Variants in POLK observed in about 807,000 individuals in gnomAD.
POLK encodes DNA polymerase kappa.
Under a neutral mutation model 94.0 loss-of-function variants are expected in POLK, and 76 were observed. That is an observed-to-expected ratio of 0.81 (90% confidence interval 0.67 to 0.98). The LOEUF is 0.98. Among genes scored for constraint, POLK ranks in the 50% least tolerant of loss-of-function variants. POLK has a pLI of 0.00. For missense variants in POLK, 954 were observed against 1,010.1 expected, an observed-to-expected ratio of 0.94 and a Z score of 0.75; for synonymous variants, 349 against 325.4, an observed-to-expected ratio of 1.07 and a Z score of -0.78.
intron 1 of POLK, among the ~76,000 whole-genome samples, chr5:75,529,097 G>T (rs189785644): frequency 1.3e-5 from 2 of 152,288 alleles, no homozygotes; most frequent in African/African-American, 4.8e-5. Flanking sequence ...GAATATCTGA[G>T]ACTGGGTAAT....
At chr5:75,601,053 T>G (rs1417746369) in exon 15 of POLK, 1 of 152,158 alleles carries the variant, frequency 6.6e-6, no homozygotes, top group Admixed American at 6.5e-5. Flanking sequence ...ATTGCATGGA[T>G]GTTCACTTTT....
intron 5 of POLK, among the ~76,000 whole-genome samples, chr5:75,576,229 G>A (rs1171809983): frequency 6.6e-6 from 1 of 152,028 alleles, no homozygotes. Context: ...ATAGGAAATA[G>A]AAAACATTCC....
At chr5:75,609,630 A>T in the POLK span, 2 of 152,172 alleles carry the variant, frequency 1.3e-5, no homozygotes, top group Non-Finnish European at 2.9e-5. Flanking sequence ...CCATTTACAT[A>T]TTATACTTTC....
At chr5:75,585,243 A>G (rs1350602445) in intron 9 of POLK, among the ~76,000 whole-genome samples, 1 of 152,246 alleles carries the variant, frequency 6.6e-6, no homozygotes, top group Non-Finnish European at 1.5e-5. Flanking sequence ...GTGGAAAGAA[A>G]GATGGCCGTA....
intron 2 of POLK, among the ~76,000 whole-genome samples, chr5:75,550,186 G>A (rs1429805732): frequency 6.6e-6 from 1 of 152,138 alleles, no homozygotes; most frequent in Non-Finnish European, 1.5e-5. Flanking sequence ...CATTATGAAT[G>A]CAAAAGTCCT....
At chr5:75,587,700 C>A (rs1055956129) in intron 10 of POLK, among the ~76,000 whole-genome samples, 2 of 152,096 alleles carry the variant, frequency 1.3e-5, no homozygotes, top group Non-Finnish European at 2.9e-5. Context: ...GTGGGCAGAT[C>A]ACTTGAGGCC....
chr5:75,566,255 C>G (rs981918441), intron 3 of POLK, among the ~76,000 whole-genome samples: 2 of 152,226 alleles, frequency 1.3e-5, no homozygotes, highest in South Asian at 4.1e-4. Flanking sequence ...TCAGACTGCT[C>G]TGCCAGCAGC....
chr5:75,520,405 T>C (rs776094933), intron 1 of POLK, among the ~76,000 whole-genome samples: 164 of 152,260 alleles, frequency 1.1e-3, no homozygotes, highest in Non-Finnish European at 2.0e-3. Flanking sequence ...ATTTTATTTT[T>C]GTTTTCAGAG....
intron 9 of POLK, 95 bp from the exon 10 acceptor site, chr5:75,586,931 G>A (rs1002605357): frequency 2.5e-6 from 2 of 791,940 alleles, no homozygotes; most frequent in East Asian, 5.5e-5. Flanking sequence ...AAAAATTTGA[G>A]AGCTCTAAAA....
At chr5:75,511,331 G>T (rs1249931773), upstream of POLK, 3 of 1,546,950 alleles carry the variant, frequency 1.9e-6, no homozygotes, top group African/African-American at 2.7e-5. Flanking sequence ...CCGGTGTGGG[G>T]GGGAGCAGGA....
intron 6 of POLK, 75 bp downstream of exon 6, chr5:75,577,008 A>G (rs1771918778): frequency 2.4e-6 from 2 of 838,886 alleles, no homozygotes; most frequent in Admixed American, 2.9e-5. Flanking sequence ...AATTAATCCA[A>G]TTAATTTATT....
chr5:75,581,901 C>T (rs1489808705), intron 7 of POLK: 1 of 212,736 alleles, frequency 4.7e-6, no homozygotes, highest in Non-Finnish European at 8.2e-6. Context: ...GGATGGTCTC[C>T]ATATCCTGAC....
exon 13 of POLK, chr5:75,596,455 G>C (rs139550633): frequency 3.1e-6 from 5 of 1,613,608 alleles, no homozygotes; most frequent in Non-Finnish European, 4.2e-6. Flanking sequence ...ATGTGAAGCC[G>C]TGAATAAACA....
intron 3 of POLK, among the ~76,000 whole-genome samples, chr5:75,556,840 T>C (rs1157813123): frequency 6.6e-6 from 1 of 152,058 alleles, no homozygotes; most frequent in African/African-American, 2.4e-5. Flanking sequence ...GGTGGGAAGA[T>C]CGCTTGAGCC....
At chr5:75,568,115 A>G (rs1270653440) in intron 3 of POLK, among the ~76,000 whole-genome samples, 2 of 152,206 alleles carry the variant, frequency 1.3e-5, no homozygotes, top group Non-Finnish European at 2.9e-5. Flanking sequence ...AAAACTTGCT[A>G]GAGGGAACTC....
chr5:75,521,309 A>G lies in POLK; in HGVS notation c.-14+9395A>G, dbSNP rs373759195. Among the ~76,000 whole-genome samples the G allele has an allele frequency of 1.5e-3, 229 of 151,202 alleles. 1 individual carries two copies. Among genetic ancestry groups the G allele is most frequent in the South Asian group, 0.011 (53 of 4,796 alleles). On this transcript the variant is annotated intron_variant, in intron 1 of 14. Coordinates refer to ENST00000241436, the Ensembl canonical transcript of POLK. ...TTTTTATTATTTTTTTTCCTCATCT[A>G]TGTGTTTTAAAATAGCCTGCCTTCT...
intron 2 of POLK, among the ~76,000 whole-genome samples, chr5:75,549,961 A>G (rs1770252858): frequency 1.3e-5 from 2 of 152,294 alleles, no homozygotes; most frequent in South Asian, 2.1e-4. Context: ...ATAGACCTAT[A>G]TAATAAGGAA....
At chr5:75,581,120 T>C (rs1176504392) in intron 6 of POLK, 89 bp from the exon 7 acceptor site, 1 of 898,798 alleles carries the variant, frequency 1.1e-6, no homozygotes, top group African/African-American at 1.7e-5. Context: ...ATTTTTGTTT[T>C]TGTCTTCAGA....
chr5:75,601,288 C>T (rs1037003511), downstream of POLK: 7 of 152,104 alleles, frequency 4.6e-5, no homozygotes, highest in Non-Finnish European at 8.8e-5. Context: ...TAGTTTTTCT[C>T]CTAGCATTTC....
Sources: allele counts gnomAD v4.1 joint callset (sites outside exome capture counted in the v4.1 genomes callset), GRCh38; gene constraint gnomAD v4.1.1; transcripts MANE v1.5; gene names NCBI Gene and HGNC (gene_info 2026-07-23, HGNC 2026-07-21).